DENND2C: variants seen among roughly 807,000 people sequenced by gnomAD.
DENND2C encodes the protein DENN domain-containing protein 2C.
Under a neutral mutation model 112.4 loss-of-function variants are expected in DENND2C, and 72 were observed. That is an observed-to-expected ratio of 0.64 (90% confidence interval 0.53 to 0.78). The LOEUF is 0.78. Ranked by LOEUF, DENND2C falls within the 30% of genes least tolerant of loss-of-function variation. The pLI, the probability that DENND2C is intolerant of heterozygous loss-of-function variation, is 0.00. For synonymous variants in DENND2C, 329 were observed against 381.6 expected, an observed-to-expected ratio of 0.86 and a Z score of 1.61; for missense variants, 992 against 1,113.8, an observed-to-expected ratio of 0.89 and a Z score of 1.56.
intron 9 of DENND2C, among the ~76,000 whole-genome samples, chr1:114,610,090 T>C (rs1387956206): frequency 6.6e-6 from 1 of 152,328 alleles, no homozygotes; most frequent in East Asian, 1.9e-4. Flanking sequence ...GATTAGGAAC[T>C]GGAACTGCCC....
chr1:114,667,876 T>C (rs2101704375), intron 1 of DENND2C, among the ~76,000 whole-genome samples: 1 of 152,308 alleles, frequency 6.6e-6, no homozygotes. Context: ...GAGATAATCA[T>C]AATAACATCC....
rs1655478909 is a variant in DENND2C at position 114,600,811 on chromosome 1, CT to C, written c.1956+8del. 2 of 1,606,342 alleles carry C rather than the reference CT, an allele frequency of 1.2e-6. No individual in the cohort carries two copies. Among genetic ancestry groups the C allele is most frequent in the Admixed American group, 1.7e-5 (1 of 58,090 alleles). The stretch of plus-strand genomic sequence containing the variant: ...TGCTATCAAATCTTTTCAAAATGAG[CT>C]AACTTACCTCATCTCCAGCCCCAGG... On this transcript the variant is annotated splice_region_variant and intron_variant, in intron 14 of 20. Transcript: ENST00000393274.
chr1:114,586,635 T>C (rs1166876606), intron 20 of DENND2C: 1 of 152,068 alleles, frequency 6.6e-6, no homozygotes, highest in Non-Finnish European at 1.5e-5. Context: ...CTGATCTGAT[T>C]ATAAAGCTTT....
intron 3 of DENND2C, 29 bp from the exon 4 acceptor site, chr1:114,626,217 C>A: frequency 2.3e-6 from 1 of 429,052 alleles, no homozygotes; most frequent in Non-Finnish European, 4.1e-6. Context: ...AATATGTTAA[C>A]ACATTTTATA....
chr1:114,634,573 A>C (rs978975127), intron 3 of DENND2C, among the ~76,000 whole-genome samples: 5 of 152,222 alleles, frequency 3.3e-5, no homozygotes, highest in African/African-American at 1.2e-4. Flanking sequence ...AAATTTTAAA[A>C]GACTGACATC....
intron 19 of DENND2C, 22 bp from the exon 20 acceptor site, chr1:114,587,495 G>A: frequency 1.9e-6 from 3 of 1,613,090 alleles, no homozygotes; most frequent in Non-Finnish European, 2.5e-6. Context: ...AACTCATGTT[G>A]GTGAAACTGT....
intron 2 of DENND2C, among the ~76,000 whole-genome samples, chr1:114,650,407 G>A (rs1052233646): frequency 6.6e-6 from 1 of 151,982 alleles, no homozygotes; most frequent in East Asian, 1.9e-4. Context: ...GCTCACGCCT[G>A]TAATCCCAGC....
intron 2 of DENND2C, among the ~76,000 whole-genome samples, chr1:114,653,310 T>C (rs1657219720): frequency 6.6e-6 from 1 of 152,048 alleles, no homozygotes; most frequent in Non-Finnish European, 1.5e-5. Flanking sequence ...GGTTTCATCA[T>C]GTTACCCAGG....
chr1:114,598,341 T>C (rs1409711709), intron 16 of DENND2C, among the ~76,000 whole-genome samples: 1 of 152,176 alleles, frequency 6.6e-6, no homozygotes, highest in Non-Finnish European at 1.5e-5. Context: ...CTTACAGATA[T>C]AATGTTGAGA....
intron 2 of DENND2C, among the ~76,000 whole-genome samples, chr1:114,648,361 G>A (rs949852711): frequency 5.9e-5 from 9 of 152,114 alleles, no homozygotes; most frequent in African/African-American, 9.7e-5. Flanking sequence ...TGTGTTCTCC[G>A]AGTTTCAGCA....
Position 114,662,234 on chromosome 1 carries a change from C to T in DENND2C, c.-573-7473G>A, listed in dbSNP as rs1657511951. Among the ~76,000 whole-genome samples, 3 of 152,198 alleles carry T rather than the reference C, an allele frequency of 2.0e-5. No individual in the cohort carries two copies. In the South Asian group the frequency reaches 6.2e-4, roughly 32 times the overall value. On this transcript the variant is annotated intron_variant, in intron 1 of 20. Transcript: ENST00000393274. The stretch of plus-strand genomic sequence containing the variant: ...ATAAATATTTAAATACAAAATTATG[C>T]TTTACACTGCTAAGTAACCAATTCA...
intron 18 of DENND2C, among the ~76,000 whole-genome samples, chr1:114,593,594 AG>A (rs1412783949): frequency 2.6e-5 from 4 of 152,058 alleles, no homozygotes; most frequent in Admixed American, 2.0e-4. Flanking sequence ...AAATCAACCT[AG>A]GCAACGTGGT....
chr1:114,618,190 G>A (rs541160149), intron 8 of DENND2C, among the ~76,000 whole-genome samples, 196 bp downstream of exon 8: 202 of 151,968 alleles, frequency 1.3e-3, no homozygotes, highest in Non-Finnish European at 2.2e-3. Context: ...GGGTTTCACC[G>A]TTTTAGCCAG....
rs1656180544 is a variant in DENND2C, at chr1:114,622,036, C to G, written c.1086G>C (p.Arg362=). Residue 362 remains arginine, a synonymous_variant, in exon 7 of 21, where the codon CGG becomes CGC. Transcript: ENST00000393274. ...GTGAGTTCTTTACTTCCATAGTCTT[C>G]CGGTGAAGGAACTGAGGTTTTGGAG... ...KLPPKPQFLH[R]KTMEVKNSQA... The G allele has an allele frequency of 6.5e-7, 1 of 1,547,290 alleles. No homozygotes were observed. The highest frequency in any genetic ancestry group is 2.4e-5 in the East Asian group (1 of 40,916).
chr1:114,645,969 C>G (rs1211295515), intron 2 of DENND2C, among the ~76,000 whole-genome samples: 1 of 151,956 alleles, frequency 6.6e-6, no homozygotes, highest in Non-Finnish European at 1.5e-5. Context: ...CTCTGTCGCC[C>G]AGGCTGGAGT....
At chr1:114,617,990 AT>A (rs11284335) in intron 8 of DENND2C, among the ~76,000 whole-genome samples, 61,967 of 144,320 alleles carry the variant, frequency 0.43, 13,127 homozygotes, top group South Asian at 0.51. Context: ...AGTAAACCAA[AT>A]TTTTTTTTTT....
intron 3 of DENND2C, among the ~76,000 whole-genome samples, chr1:114,641,597 G>A (rs537614003): frequency 5.9e-4 from 90 of 152,126 alleles, no homozygotes; most frequent in South Asian, 1.2e-3. Context: ...CATGTGACAC[G>A]TCTCCTCCCC....
intron 20 of DENND2C, among the ~76,000 whole-genome samples, chr1:114,586,001 C>T (rs1373655462): frequency 6.6e-6 from 1 of 152,056 alleles, no homozygotes; most frequent in African/African-American, 2.4e-5. Flanking sequence ...CTAATCTAAC[C>T]CCATTGTATA....
intron 1 of DENND2C, among the ~76,000 whole-genome samples, chr1:114,660,541 T>C (rs1032397778): frequency 2.0e-5 from 3 of 152,146 alleles, no homozygotes; most frequent in South Asian, 4.1e-4. Context: ...CTGTCTCTAA[T>C]TCCCTCCCTC....
Sources: gnomAD v4.1 joint callset for allele counts (sites outside exome capture counted in the v4.1 genomes callset) on GRCh38, gnomAD v4.1.1 for gene constraint, MANE v1.5 for transcripts, NCBI Gene and HGNC (gene_info 2026-07-23, HGNC 2026-07-21) for gene names.